The following LARGE1 variants were observed in gnomAD, a reference collection of about 807,000 sequenced individuals.
LARGE1 encodes LARGE xylosyl- and glucuronyltransferase 1.
LARGE1 carries 43 observed loss-of-function variants against 87.6 expected under a neutral mutation model. The observed-to-expected ratio is 0.49, with a 90% CI of 0.38 to 0.63. The LOEUF is 0.63. Ranked by LOEUF, LARGE1 falls within the 30% of genes least tolerant of loss-of-function variation. LARGE1 has a pLI of 0.00. For synonymous variants in LARGE1, 434 were observed against 394.6 expected (o/e 1.10, Z -1.18); for missense variants, 802 against 1,000.2 (o/e 0.80, Z 2.67).
rs191465739 is a variant in LARGE1 at position 33,502,638 on chromosome 22, G to A, written c.787+62210C>T. Among the ~76,000 whole-genome samples the A allele has an allele frequency of 2.0e-3, 305 of 151,884 alleles. 1 individual carries two copies. Among genetic ancestry groups the A allele is most frequent in the African/African-American group, 6.6e-3 (274 of 41,400 alleles). Reference sequence around the variant, plus strand: ...GGCTGGAGTGCAGTGGCGTGATCTCGGCTCACTGCAAGCTCCGCCTCCAGG... The same window carrying A: ...GGCTGGAGTGCAGTGGCGTGATCTCAGCTCACTGCAAGCTCCGCCTCCAGG... On this transcript the variant is annotated intron_variant, in intron 6 of 14. Coordinates refer to ENST00000397394, the MANE Select transcript of LARGE1 (RefSeq NM_133642.5).
chr22:33,334,578 A>C (rs2146531055), intron 10 of LARGE1, among the ~76,000 whole-genome samples: 1 of 152,284 alleles, frequency 6.6e-6, no homozygotes, highest in Non-Finnish European at 1.5e-5. Context: ...GCCAGTGGGA[A>C]TAGCAAGCAC....
chr22:33,456,034 T>C (rs1311858718), intron 6 of LARGE1, among the ~76,000 whole-genome samples: 1 of 152,220 alleles, frequency 6.6e-6, no homozygotes, highest in Admixed American at 6.5e-5. Flanking sequence ...GATTTGTCTG[T>C]ACATTTTCTC....
chr22:33,102,610 C>A, the LARGE1 span, among the ~76,000 whole-genome samples: 1 of 152,156 alleles, frequency 6.6e-6, no homozygotes, highest in Non-Finnish European at 1.5e-5. Context: ...CTGCCTCAGC[C>A]TCTTGAGTAG....
intron 1 of LARGE1, among the ~76,000 whole-genome samples, chr22:33,893,853 T>G (rs1601866212): frequency 6.6e-6 from 1 of 152,304 alleles, no homozygotes; most frequent in African/African-American, 2.4e-5. Context: ...AGGCAGTCCA[T>G]GCAGGCCTAT....
intron 6 of LARGE1, among the ~76,000 whole-genome samples, chr22:33,444,942 G>A (rs1166510275): frequency 6.6e-6 from 1 of 152,106 alleles, no homozygotes; most frequent in Non-Finnish European, 1.5e-5. Context: ...CGATTCTCCT[G>A]CCTCAACCTC....
intron 3 of LARGE1, 49 bp downstream of exon 3, chr22:33,650,318 C>A: frequency 6.2e-7 from 1 of 1,608,636 alleles, no homozygotes; most frequent in Non-Finnish European, 8.5e-7. Context: ...GGGGTGAGGG[C>A]AATCGGGACT....
At chr22:33,872,664 C>G (rs996100891) in intron 1 of LARGE1, among the ~76,000 whole-genome samples, 1 of 152,116 alleles carries the variant, frequency 6.6e-6, no homozygotes. Context: ...ATGGAGCACA[C>G]TGGCAGGAAG....
intron 8 of LARGE1, among the ~76,000 whole-genome samples, chr22:33,383,352 G>A (rs2065218921): frequency 1.3e-5 from 2 of 152,140 alleles, no homozygotes. Flanking sequence ...CTGAGGTCAG[G>A]AGTTCAAAAC....
At chr22:33,681,192 T>C (rs1162221748) in intron 2 of LARGE1, among the ~76,000 whole-genome samples, 2 of 152,218 alleles carry the variant, frequency 1.3e-5, no homozygotes, top group Non-Finnish European at 2.9e-5. Flanking sequence ...ATATCTGAAA[T>C]TGTCAAATAG....
chr22:33,636,453 C>G (rs9621734), intron 3 of LARGE1, among the ~76,000 whole-genome samples: 11,363 of 152,232 alleles, frequency 0.075, 544 homozygotes, highest in Middle Eastern at 0.13. Flanking sequence ...CCTCACCTAT[C>G]AAACTCTTCC....
At chr22:33,748,751 T>C (rs968050993) in intron 2 of LARGE1, among the ~76,000 whole-genome samples, 8 of 152,232 alleles carry the variant, frequency 5.3e-5, no homozygotes, top group South Asian at 2.1e-4. Flanking sequence ...CTACAGGTCA[T>C]TTTGATGAAA....
intron 7 of LARGE1, among the ~76,000 whole-genome samples, chr22:33,419,436 C>T (rs1046441814): frequency 5.9e-5 from 9 of 151,878 alleles, no homozygotes; most frequent in African/African-American, 2.2e-4. Context: ...ACACGATCAC[C>T]CAAGTACACG....
At chr22:33,294,577 A>T (rs1047942114) in intron 12 of LARGE1, among the ~76,000 whole-genome samples, 21 of 151,916 alleles carry the variant, frequency 1.4e-4, no homozygotes, top group African/African-American at 4.8e-4. Context: ...GCCTCCCCGT[A>T]CCTCCCTTCC....
At chr22:33,069,591 T>C in the LARGE1 span, among the ~76,000 whole-genome samples, 1 of 152,102 alleles carries the variant, frequency 6.6e-6, no homozygotes, top group Admixed American at 6.6e-5. Context: ...TTGAACCTAT[T>C]AGGTTCATTA....
chr22:33,649,492 T>C (rs1216862721), intron 3 of LARGE1, among the ~76,000 whole-genome samples: 1 of 152,196 alleles, frequency 6.6e-6, no homozygotes, highest in Non-Finnish European at 1.5e-5. Context: ...TAGGCGCTAG[T>C]CAAGCCTTTA....
intron 11 of LARGE1, among the ~76,000 whole-genome samples, chr22:33,254,712 A>C (rs1316314604): frequency 6.6e-6 from 1 of 152,184 alleles, no homozygotes; most frequent in Non-Finnish European, 1.5e-5. Flanking sequence ...GAAGTAATGA[A>C]ATAATATGTA....
chr22:33,555,695 G>T (rs921336423), intron 6 of LARGE1, among the ~76,000 whole-genome samples: 1 of 152,038 alleles, frequency 6.6e-6, no homozygotes, highest in Non-Finnish European at 1.5e-5. Flanking sequence ...TTGGGTGGCC[G>T]AGACAGGAGG....
intron 6 of LARGE1, among the ~76,000 whole-genome samples, chr22:33,487,776 C>G (rs2069650977): frequency 6.6e-6 from 1 of 152,186 alleles, no homozygotes; most frequent in Non-Finnish European, 1.5e-5. Context: ...AAGCTCTGTT[C>G]TGCTGCTCAC....
At chr22:33,081,132 C>T in the LARGE1 span, among the ~76,000 whole-genome samples, 1 of 152,172 alleles carries the variant, frequency 6.6e-6, no homozygotes, top group African/African-American at 2.4e-5. Flanking sequence ...TGCCATGTGA[C>T]AGCATAATGA....
Sources: allele counts gnomAD v4.1 joint callset (sites outside exome capture counted in the v4.1 genomes callset), GRCh38; gene constraint gnomAD v4.1.1; transcripts MANE v1.5; gene names NCBI Gene and HGNC (gene_info 2026-07-23, HGNC 2026-07-21).